FNDC3B: variants seen among roughly 807,000 people sequenced by gnomAD.
FNDC3B encodes the protein fibronectin type III domain-containing protein 3B.
A neutral mutation model predicts 151.5 loss-of-function variants in FNDC3B; 12 were observed. That is an observed-to-expected ratio of 0.08 (90% CI 0.05 to 0.13). FNDC3B has a LOEUF of 0.13. Ranked by LOEUF, FNDC3B falls within the 10% of genes least tolerant of loss-of-function variation. FNDC3B has a pLI of 1.00. For synonymous variants in FNDC3B, 528 were observed against 549.0 expected (o/e 0.96, Z 0.54); for missense variants, 1,214 against 1,505.3 (o/e 0.81, Z 3.20).
At chr3:172,098,322 G>A (rs1719191890) in intron 1 of FNDC3B, among the ~76,000 whole-genome samples, 1 of 152,178 alleles carries the variant, frequency 6.6e-6, no homozygotes, top group Non-Finnish European at 1.5e-5. Context: ...TTGATGGCAT[G>A]TGTAAGCAGT....
chr3:172,043,277 C>T (rs752948864), intron 1 of FNDC3B, among the ~76,000 whole-genome samples: 8 of 152,104 alleles, frequency 5.3e-5, no homozygotes, highest in Non-Finnish European at 1.0e-4. Flanking sequence ...TAGTGGTTAC[C>T]ATATTGGAGA....
chr3:172,114,344 G>A (rs994577648), intron 2 of FNDC3B, among the ~76,000 whole-genome samples: 1 of 152,140 alleles, frequency 6.6e-6, no homozygotes, highest in Non-Finnish European at 1.5e-5. Context: ...AAGGTATTTA[G>A]TCAAATGTGA....
At chr3:172,275,158 A>G (rs1022445261) in intron 6 of FNDC3B, among the ~76,000 whole-genome samples, 3 of 152,202 alleles carry the variant, frequency 2.0e-5, no homozygotes, top group Admixed American at 6.5e-5. Context: ...GTTGGAGATC[A>G]GATGAATGTG....
chr3:172,045,766 G>GTCTC (rs67916203), intron 1 of FNDC3B, among the ~76,000 whole-genome samples: 1 of 147,158 alleles, frequency 6.8e-6, no homozygotes, highest in Non-Finnish European at 1.5e-5. Flanking sequence ...TTTACTGAGT[G>GTCTC]TCTCTCTCTC....
chr3:172,130,867 T>C (rs959675531), intron 2 of FNDC3B, among the ~76,000 whole-genome samples: 1 of 152,154 alleles, frequency 6.6e-6, no homozygotes, highest in East Asian at 1.9e-4. Flanking sequence ...CTCCCCCAGC[T>C]AATTAATTCC....
At chr3:172,107,941 G>A (rs917639986) in intron 1 of FNDC3B, among the ~76,000 whole-genome samples, 23 of 152,000 alleles carry the variant, frequency 1.5e-4, no homozygotes, top group African/African-American at 5.1e-4. Flanking sequence ...AGGCCGAGGC[G>A]GGCGGATCAC....
At chr3:172,227,179 G>A (rs995659795) in intron 4 of FNDC3B, 8 of 385,574 alleles carry the variant, frequency 2.1e-5, no homozygotes, top group Admixed American at 1.7e-4. Context: ...CTGCCAAGTG[G>A]GGTTTTTATA....
chr3:172,381,217 T>C, intron 25 of FNDC3B, 124 bp downstream of exon 25: 2 of 1,014,054 alleles, frequency 2.0e-6, no homozygotes, highest in Non-Finnish European at 2.9e-6. Context: ...ACTGCCTAAC[T>C]TGTACTTATT....
chr3:172,382,556 G>A (rs776571538), intron 25 of FNDC3B, among the ~76,000 whole-genome samples: 4 of 152,150 alleles, frequency 2.6e-5, no homozygotes, highest in African/African-American at 7.2e-5. Context: ...CCTATGTTCC[G>A]AATGGTATTG....
intron 11 of FNDC3B, among the ~76,000 whole-genome samples, chr3:172,323,898 G>A (rs1426436698): frequency 1.3e-5 from 2 of 152,156 alleles, no homozygotes; most frequent in East Asian, 3.9e-4. Flanking sequence ...GGGGAGGCAG[G>A]TGCTCATAGA....
rs374149715 is a variant in FNDC3B, at chr3:172,153,493, A to G, written c.187+19947A>G. 2.6e-5 allele frequency among the ~76,000 whole-genome samples: 4 copies of G among 152,192 alleles called. No individual in the cohort carries two copies. The South Asian group carries it at 8.3e-4, about 32-fold the overall frequency. On this transcript the variant is annotated intron_variant, in intron 3 of 25. Transcript: ENST00000415807. ...CTGTTTCCTGCTGACGTGGCCTCCC[A>G]CAACTGAGCAGAACAGAGCCACCTC...
intron 16 of FNDC3B, chr3:172,337,748 A>T (rs1733058943): frequency 3.8e-6 from 1 of 262,628 alleles, no homozygotes; most frequent in Non-Finnish European, 7.4e-6. Flanking sequence ...GCAGTGGCAC[A>T]AACATGGCCC....
chr3:172,134,178 A>AGGT (rs1721247183), intron 3 of FNDC3B, among the ~76,000 whole-genome samples: 1 of 152,232 alleles, frequency 6.6e-6, no homozygotes, highest in Admixed American at 6.5e-5. Flanking sequence ...CTAAAGTTCC[A>AGGT]GGTGTAGGTA....
intron 4 of FNDC3B, among the ~76,000 whole-genome samples, chr3:172,232,416 G>A (rs1323034429): frequency 2.6e-5 from 4 of 152,292 alleles, no homozygotes; most frequent in African/African-American, 9.6e-5. Context: ...CAGCTGTGGA[G>A]GTGCAATCAA....
rs761746644 is a variant in FNDC3B, at chr3:172,347,372, A to G, written c.2514+11A>G. ...TGCTGTAGACTACAGGTAGGTTGAC[A>G]TTATTCAGATGTTACTCACAAGGAC... On this transcript the variant is annotated intron_variant, in intron 21 of 25. Transcript: ENST00000415807. The G allele has an allele frequency of 2.5e-6, 4 of 1,607,264 alleles. No individual in the cohort carries two copies. Among genetic ancestry groups the G allele is most frequent in the Non-Finnish European group, 3.4e-6 (4 of 1,176,372 alleles).
intron 3 of FNDC3B, among the ~76,000 whole-genome samples, chr3:172,211,278 CT>C (rs1267095350): frequency 6.6e-6 from 1 of 152,182 alleles, no homozygotes; most frequent in Non-Finnish European, 1.5e-5. Context: ...TCATGACCTT[CT>C]TCAGATTTGA....
chr3:172,301,803 G>A (rs1427155471), intron 9 of FNDC3B: 2 of 152,176 alleles, frequency 1.3e-5, no homozygotes, highest in East Asian at 3.8e-4. Context: ...GCTGTAGTGA[G>A]CCCTGATTGC....
chr3:172,369,302 G>A (rs1734771586), intron 23 of FNDC3B, among the ~76,000 whole-genome samples: 1 of 152,144 alleles, frequency 6.6e-6, no homozygotes, highest in African/African-American at 2.4e-5. Context: ...GGAAAACTCT[G>A]GGAAGAGTAT....
intron 11 of FNDC3B, 106 bp downstream of exon 11, chr3:172,310,987 A>C (rs1731447302): frequency 1.2e-6 from 1 of 817,656 alleles, no homozygotes. Flanking sequence ...ACACAGAAAA[A>C]AGGAATGCTA....
Sources: allele counts gnomAD v4.1 joint callset (sites outside exome capture counted in the v4.1 genomes callset), GRCh38; gene constraint gnomAD v4.1.1; transcripts MANE v1.5; gene names NCBI Gene and HGNC (gene_info 2026-07-23, HGNC 2026-07-21).